Variants in KANSL1 observed in about 807,000 individuals in gnomAD.
KANSL1 encodes the protein MLL1/MLL complex subunit KANSL1.
A neutral mutation model predicts 103.6 loss-of-function variants in KANSL1; 22 were observed. The observed-to-expected ratio is 0.21, with a 90% CI of 0.15 to 0.30. The LOEUF is 0.30. KANSL1 is among the 10% of genes least tolerant of loss of function. KANSL1 has a pLI of 1.00. For missense variants in KANSL1, 1,337 were observed against 1,399.8 expected (o/e 0.96, Z 0.72); for synonymous variants, 600 against 527.6 (o/e 1.14, Z -1.88).
At chr17:46,149,546 A>G (rs1485042439) in intron 2 of KANSL1, among the ~76,000 whole-genome samples, 6 of 152,272 alleles carry the variant, frequency 3.9e-5, no homozygotes, top group Non-Finnish European at 5.9e-5. Context: ...GCCACAGACA[A>G]TATTCAAGTG....
intron 2 of KANSL1, among the ~76,000 whole-genome samples, chr17:46,143,848 TAGA>T (rs2044558259): frequency 6.8e-6 from 1 of 148,128 alleles, no homozygotes; most frequent in Non-Finnish European, 1.5e-5. Flanking sequence ...ATCTTCCCAG[TAGA>T]AGAGATGAGA....
chr17:46,050,502 A>G, intron 7 of KANSL1, 31 bp downstream of exon 7: 2 of 1,604,714 alleles, frequency 1.2e-6, no homozygotes, highest in Non-Finnish European at 1.7e-6. Flanking sequence ...AGTTTCTTTC[A>G]TTAGACTTTC....
At chr17:46,071,295 A>T (rs761370118) in intron 4 of KANSL1, among the ~76,000 whole-genome samples, 2 of 152,150 alleles carry the variant, frequency 1.3e-5, no homozygotes, top group Non-Finnish European at 2.9e-5. Context: ...CTGCATTCCC[A>T]GCCACAAAAA....
upstream of KANSL1, among the ~76,000 whole-genome samples, chr17:46,225,181 G>A (rs1265676052): frequency 2.6e-5 from 4 of 151,814 alleles, no homozygotes; most frequent in Non-Finnish European, 4.4e-5. Context: ...GGCGGCGCCC[G>A]CTCCCCGGGC....
intron 6 of KANSL1, among the ~76,000 whole-genome samples, chr17:46,059,943 A>T (rs1162762645): frequency 6.6e-6 from 1 of 151,924 alleles, no homozygotes; most frequent in Non-Finnish European, 1.5e-5. Flanking sequence ...GGGGGAGGGG[A>T]GGGGGACAAA....
intron 2 of KANSL1, among the ~76,000 whole-genome samples, chr17:46,130,554 T>C (rs561086060): frequency 3.9e-5 from 6 of 152,210 alleles, no homozygotes; most frequent in Non-Finnish European, 8.8e-5. Context: ...CAGGAAAGGA[T>C]AGAACGAAAA....
chr17:46,159,671 T>C (rs979879317), intron 2 of KANSL1, among the ~76,000 whole-genome samples: 12 of 152,344 alleles, frequency 7.9e-5, no homozygotes, highest in East Asian at 1.9e-4. Flanking sequence ...AAGTTAAGAA[T>C]AATGGAGAAA....
intron 6 of KANSL1, among the ~76,000 whole-genome samples, chr17:46,059,647 A>AAAGAGAGAGAGAGAGAGAG (rs541946204): frequency 3.6e-5 from 2 of 54,858 alleles, no homozygotes; most frequent in African/African-American, 1.3e-4. Context: ...AAAAAAAAAA[A>AAAGAGAGAGAGAGAGAGAG]AGAGAGAGAG....
At chr17:46,094,316 C>T (rs1238992639) in intron 3 of KANSL1, 14 of 507,790 alleles carry the variant, frequency 2.8e-5, no homozygotes, top group Non-Finnish European at 2.7e-5. Flanking sequence ...AGGCTGGTCT[C>T]GAACTCCTGA....
Position 46,033,460 on chromosome 17 carries a change from G to C in KANSL1, c.2667C>G (p.Ser889Arg). The C allele has an allele frequency of 1.2e-6, 2 of 1,614,046 alleles. No homozygotes were observed. The highest frequency in any genetic ancestry group is 1.7e-6 in the Non-Finnish European group (2 of 1,179,920). The change falls in exon 12 of 15, where the codon AGC becomes AGG. Residue 889 changes from serine to arginine, a missense_variant and splice_region_variant. Physicochemically the swap from Ser to Arg is moderately radical, Grantham distance 110. Around this residue, in one of 2 missense-constraint regions of KANSL1, gnomAD observed 780 missense variants for 923.4 expected, o/e 0.84. Transcript: ENST00000432791. ...KLQYKEILTP[S>R]WREVDLQSLK... ...GAGACTGAAGATCAACCTCCCGCCA[G>C]CTGCAAAACCAAGAACAGACAATCA...
At chr17:46,103,736 C>T (rs1180712735) in intron 2 of KANSL1, among the ~76,000 whole-genome samples, 2 of 152,110 alleles carry the variant, frequency 1.3e-5, no homozygotes, top group East Asian at 3.9e-4. Context: ...GATAATTTGA[C>T]ACCTCTAGGC....
At chr17:46,170,815 A>G (rs1382381859) in intron 2 of KANSL1, 40 bp downstream of exon 2, 5 of 1,528,898 alleles carry the variant, frequency 3.3e-6, no homozygotes, top group Non-Finnish European at 4.4e-6. Flanking sequence ...CCTTGTGCCA[A>G]CATTTCTCAA....
intron 1 of KANSL1, among the ~76,000 whole-genome samples, chr17:46,203,468 T>C (rs1162176003): frequency 2.0e-5 from 3 of 152,236 alleles, no homozygotes; most frequent in African/African-American, 4.8e-5. Flanking sequence ...TTAATACATA[T>C]TCATTCATAA....
chr17:46,119,876 C>T (rs916713861), intron 2 of KANSL1: 1 of 152,234 alleles, frequency 6.6e-6, no homozygotes, highest in Non-Finnish European at 1.5e-5. Context: ...ATTTCTGCTT[C>T]TAGTCTTACA....
At chr17:46,060,144 AC>A (rs796552776) in intron 6 of KANSL1, among the ~76,000 whole-genome samples, 7 of 152,254 alleles carry the variant, frequency 4.6e-5, no homozygotes, top group Admixed American at 1.3e-4. Flanking sequence ...AGGAATTAAT[AC>A]CAAAGTAAAA....
chr17:46,163,913 G>C (rs1308529505), intron 2 of KANSL1, among the ~76,000 whole-genome samples: 1 of 152,180 alleles, frequency 6.6e-6, no homozygotes, highest in Non-Finnish European at 1.5e-5. Context: ...TGTGTGCCCT[G>C]TGCTTTCTGC....
chr17:46,220,876 C>T lies in KANSL1; in HGVS notation c.-90+2795G>A, dbSNP rs541209688. ...CTAGTTTTTATATTTTCAGTAGAGA[C>T]GGGGTTTCACCATATTGGCCAGGCT... On this transcript the variant is annotated intron_variant, in intron 1 of 14. Coordinates refer to the KANSL1 transcript ENST00000572904. Among the ~76,000 whole-genome samples the T allele has an allele frequency of 1.8e-4, 28 of 152,234 alleles. No homozygotes were observed. In the South Asian group the frequency reaches 3.3e-3, roughly 18 times the overall value.
At chr17:46,032,700 G>T (rs540109160) in intron 13 of KANSL1, 73 of 333,744 alleles carry the variant, frequency 2.2e-4, no homozygotes, top group Non-Finnish European at 3.7e-4. Context: ...GGACGTTAAG[G>T]GGGGGCAGTT....
chr17:46,096,563 G>A (rs1266841304), intron 2 of KANSL1, among the ~76,000 whole-genome samples: 4 of 151,624 alleles, frequency 2.6e-5, no homozygotes, highest in East Asian at 1.9e-4. Context: ...CAGGGGATCC[G>A]CCCACCTCGA....
Sources: gnomAD v4.1 joint callset for allele counts (sites outside exome capture counted in the v4.1 genomes callset) on GRCh38, gnomAD v4.1.1 for gene constraint, gnomAD v4.1.1 regional missense constraint, MANE v1.5 for transcripts, NCBI Gene and HGNC (gene_info 2026-07-23, HGNC 2026-07-21) for gene names.